Variants in CASZ1 observed in about 807,000 individuals in gnomAD.
CASZ1 encodes castor zinc finger 1.
Under a neutral mutation model 135.2 loss-of-function variants are expected in CASZ1, and 28 were observed. The ratio of observed to expected loss-of-function variants is 0.21; its 90% CI spans 0.15 to 0.28. The LOEUF (loss-of-function observed/expected upper bound fraction) is 0.28, where lower values mean the gene tolerates loss of function less well. Ranked by LOEUF, CASZ1 falls within the 10% of genes least tolerant of loss-of-function variation. The pLI is 1.00. For missense variants in CASZ1, 2,161 were observed against 2,453.3 expected (o/e 0.88, Z 2.52); for synonymous variants, 1,068 against 1,073.4 (o/e 0.99, Z 0.10).
rs563145261 is a variant in CASZ1, at chr1:10,794,409, G to T, written c.-234+2155C>A. Among the ~76,000 whole-genome samples, 1 of 152,082 alleles carries T rather than the reference G, an allele frequency of 6.6e-6. No individual in the cohort carries two copies. The highest frequency in any genetic ancestry group is 2.4e-5 in the African/African-American group (1 of 41,396). On this transcript the variant is annotated intron_variant, in intron 1 of 20. Coordinates refer to ENST00000377022, the MANE Select transcript of CASZ1 (RefSeq NM_001079843.3). This position sits in a 1 kb window ranked among gnomAD's most constrained non-coding sequence, Gnocchi z 5.6. ...TCGGCGGGACAACTACGCACAATGA[G>T]GGCCGCACCCCCACACTCCACTCGG...
At chr1:10,741,000 T>TC (rs1639910589) in intron 2 of CASZ1, among the ~76,000 whole-genome samples, 1 of 33,384 alleles carries the variant, frequency 3.0e-5, no homozygotes, top group Non-Finnish European at 5.5e-5. Flanking sequence ...TAAAAAACAC[T>TC]TAGATTTTTT....
intron 5 of CASZ1, chr1:10,660,752 C>A (rs937282667): frequency 3.6e-6 from 2 of 556,452 alleles, no homozygotes; most frequent in African/African-American, 1.9e-5. Context: ...TAAAATAAAA[C>A]GAGTTCATCA....
chr1:10,790,273 C>T (rs768502692), intron 1 of CASZ1, among the ~76,000 whole-genome samples: 2 of 152,248 alleles, frequency 1.3e-5, no homozygotes, highest in Non-Finnish European at 2.9e-5. Context: ...CCCAACCACG[C>T]CACGTATCCC....
At chr1:10,702,327 C>A (rs1639078720) in intron 3 of CASZ1, among the ~76,000 whole-genome samples, 1 of 152,212 alleles carries the variant, frequency 6.6e-6, no homozygotes, top group African/African-American at 2.4e-5. Flanking sequence ...AGAGGCCTCC[C>A]ACTGGCTCAG....
chr1:10,773,175 C>G (rs58064215), intron 1 of CASZ1, among the ~76,000 whole-genome samples: 82,398 of 152,062 alleles, frequency 0.54, 25,723 homozygotes, highest in Non-Finnish European at 0.7. Flanking sequence ...CAAACATAGG[C>G]TGGGCAGGGA....
intron 17 of CASZ1, among the ~76,000 whole-genome samples, chr1:10,645,455 G>A (rs905451863): frequency 6.6e-6 from 1 of 152,154 alleles, no homozygotes; most frequent in Non-Finnish European, 1.5e-5. Flanking sequence ...GCGTGAACCC[G>A]GGAGGCAGAG....
intron 1 of CASZ1, among the ~76,000 whole-genome samples, chr1:10,766,206 A>G (rs61775140): frequency 0.029 from 4,259 of 148,814 alleles, 182 homozygotes; most frequent in African/African-American, 0.096. Context: ...CAGCACGTGC[A>G]CACACACACA....
At chr1:10,712,627 C>T (rs935255703) in intron 2 of CASZ1, among the ~76,000 whole-genome samples, 2 of 152,020 alleles carry the variant, frequency 1.3e-5, no homozygotes, top group African/African-American at 2.4e-5. Context: ...GTGGGGCTCC[C>T]GGGGCTCCAC....
At chr1:10,693,772 A>T (rs933271524) in intron 4 of CASZ1, 102 bp downstream of exon 4, 4 of 365,140 alleles carry the variant, frequency 1.1e-5, no homozygotes, top group Non-Finnish European at 2.2e-5. Flanking sequence ...CCCGGCCCCC[A>T]CCCGGCCCCG....
chr1:10,720,823 G>C lies in CASZ1; in HGVS notation c.-76-15279C>G, dbSNP rs1639483451. ...GCTGAGGGAGGGTGAGTGGAAGCTG[G>C]AGGGTTAGGGCTGGCCAAGGGACCA... On this transcript the variant is annotated intron_variant, in intron 2 of 20. Coordinates refer to ENST00000377022, the MANE Select transcript of CASZ1 (RefSeq NM_001079843.3). The surrounding 1 kb of genome is among the most constrained non-coding windows in gnomAD (Gnocchi z 5.7). Among the ~76,000 whole-genome samples, 1 of 152,146 alleles carries C rather than the reference G, an allele frequency of 6.6e-6. No homozygotes were observed.
intron 1 of CASZ1, among the ~76,000 whole-genome samples, chr1:10,787,652 C>T (rs761542326): frequency 3.3e-5 from 5 of 152,098 alleles, no homozygotes; most frequent in Admixed American, 6.5e-5. Flanking sequence ...CACGATCACC[C>T]GCACACACAC....
chr1:10,671,323 T>C (rs1643390892), intron 4 of CASZ1, among the ~76,000 whole-genome samples: 1 of 152,206 alleles, frequency 6.6e-6, no homozygotes, highest in South Asian at 2.1e-4. Context: ...TGCATGCCTG[T>C]GCGCGCGCAC....
Position 10,733,314 on chromosome 1 carries a change from A to G in CASZ1, c.-77+27387T>C, listed in dbSNP as rs1329740611. ...AAGAATGTGAAGCTCAGGGACACACAGGCTCTGTGGCCTCTGCTGAGAGTG... is the reference window on the plus strand; with the variant it reads ...AAGAATGTGAAGCTCAGGGACACACGGGCTCTGTGGCCTCTGCTGAGAGTG... On this transcript the variant is annotated intron_variant, in intron 2 of 20. Transcript: ENST00000377022. 3.3e-5 allele frequency among the ~76,000 whole-genome samples: 5 copies of G among 152,136 alleles called. No individual in the cohort carries two copies. The East Asian group carries it at 9.6e-4, about 29-fold the overall frequency.
At position 10,697,888 on chromosome 1, in the gene CASZ1, G is replaced by A. The variant is rs953130913; in HGVS notation, c.-23-3976C>T. On this transcript the variant is annotated intron_variant, in intron 3 of 20. Coordinates refer to ENST00000377022, the MANE Select transcript of CASZ1 (RefSeq NM_001079843.3). The surrounding 1 kb of genome is among the most constrained non-coding windows in gnomAD (Gnocchi z 4.7). ...CCTGCGAGGGAGTCCGTGTGTTTGC[G>A]TGTGAGCCCGCTCCGGGGCCGATGG... is the stretch of plus-strand genomic sequence containing the variant. Among the ~76,000 whole-genome samples the A allele has an allele frequency of 6.6e-5, 10 of 152,266 alleles. No homozygotes were observed. Among genetic ancestry groups the A allele is most frequent in the African/African-American group, 1.7e-4 (7 of 41,482 alleles).
At chr1:10,743,737 C>T (rs1037194941) in intron 2 of CASZ1, among the ~76,000 whole-genome samples, 1 of 151,336 alleles carries the variant, frequency 6.6e-6, no homozygotes. Context: ...CTGTTTGTGC[C>T]CCTCTCCAGC....
At position 10,665,295 on chromosome 1, in the gene CASZ1, T is replaced by C; in HGVS notation, c.293A>G (p.Glu98Gly). The change falls in exon 5 of 21, where the codon GAG becomes GGG. Residue 98 changes from glutamate to glycine, a missense_variant. Glu to Gly is a moderately conservative substitution (Grantham distance 98). Around this residue, in one of 7 missense-constraint regions of CASZ1, gnomAD observed 590 missense variants for 609.8 expected, o/e 0.97. Coordinates refer to ENST00000377022, the MANE Select transcript of CASZ1 (RefSeq NM_001079843.3). Reference protein sequence around the residue: ...IEKWVNGEYSEEPAPTPVLGR... With the variant: ...IEKWVNGEYSGEPAPTPVLGR... Reference sequence around the variant, plus strand: ...CAACACGGGTGTGGGTGCCGGCTCCTCGCTGTACTCCCCGTTCACCCACTT... The same window carrying C: ...CAACACGGGTGTGGGTGCCGGCTCCCCGCTGTACTCCCCGTTCACCCACTT... 1 of 1,613,008 alleles carries C rather than the reference T, an allele frequency of 6.2e-7. No individual in the cohort carries two copies. Among genetic ancestry groups the C allele is most frequent in the East Asian group, 2.2e-5 (1 of 44,852 alleles).
rs1642433847 is a variant in CASZ1 at position 10,648,145 on chromosome 1, A to G, written c.3159-6T>C. The G allele has an allele frequency of 1.2e-5, 18 of 1,491,940 alleles. 1 individual carries two copies. Among genetic ancestry groups the G allele is most frequent in the Non-Finnish European group, 1.5e-5 (17 of 1,118,894 alleles). 92.4% of individuals were successfully genotyped at this position (1,491,940 alleles called of 1,614,324 possible). A position where few individuals can be genotyped will look rare whatever the true frequency, so the allele number is the denominator to read the frequency against. ...CCTCTGTCCGGAAGTGGAAGCTGCG[A>G]GAGGTAGAAGAGGGGGTCTCATGGG... On this transcript the variant is annotated splice_polypyrimidine_tract_variant and splice_region_variant and intron_variant, in intron 15 of 20. Transcript: ENST00000377022.
rs1212046671 is a variant in CASZ1 at position 10,792,337 on chromosome 1, C to A, written c.-234+4227G>T. 9.7e-4 allele frequency among the ~76,000 whole-genome samples: 41 copies of A among 42,152 alleles called. 8 individuals carry two copies. The highest frequency in any genetic ancestry group is 3.1e-3 in the African/African-American group (40 of 12,966). 27.7% of individuals were successfully genotyped at this position (42,152 alleles called of 152,430 possible). ...TTACCCCTCCCCCCCGCCCCCCCCC[C>A]CCCGGCCCCGCACACAAAGTAAATG... is the stretch of plus-strand genomic sequence containing the variant. On this transcript the variant is annotated intron_variant, in intron 1 of 20. Coordinates refer to ENST00000377022, the MANE Select transcript of CASZ1 (RefSeq NM_001079843.3).
chr1:10,688,093 G>A (rs115542569), intron 4 of CASZ1, among the ~76,000 whole-genome samples: 2,087 of 152,322 alleles, frequency 0.014, 22 homozygotes, highest in Admixed American at 0.022. Flanking sequence ...GCCCGGGGAG[G>A]AGGTGGCAGT....
Sources: allele counts gnomAD v4.1 joint callset (sites outside exome capture counted in the v4.1 genomes callset), GRCh38; gene constraint gnomAD v4.1.1; regional missense constraint gnomAD v4.1.1; non-coding constraint Gnocchi (gnomAD v3.1); transcripts MANE v1.5; gene names NCBI Gene and HGNC (gene_info 2026-07-23, HGNC 2026-07-21).